RNF41: variants seen among roughly 807,000 people sequenced by gnomAD.
The protein encoded by RNF41 is E3 ubiquitin-protein ligase NRDP1.
RNF41 carries 4 observed loss-of-function variants against 33.0 expected under a neutral mutation model. The ratio of observed to expected loss-of-function variants is 0.12; its 90% CI spans 0.06 to 0.28. The LOEUF (loss-of-function observed/expected upper bound fraction) is 0.28. Among genes scored for constraint, RNF41 ranks in the 10% least tolerant of loss-of-function variants. RNF41 has a pLI of 1.00. For missense variants in RNF41, 228 were observed against 432.6 expected, an observed-to-expected ratio of 0.53 and a Z score of 4.19; for synonymous variants, 164 against 153.2, an observed-to-expected ratio of 1.07 and a Z score of -0.52.
Position 56,206,309 on chromosome 12 carries a change from AG to A in RNF41, c.*137del, listed in dbSNP as rs550132447. On this transcript the variant is annotated 3_prime_UTR_variant, in exon 7 of 7. Transcript: ENST00000345093. The surrounding 1 kb of genome is among the most constrained non-coding windows in gnomAD (Gnocchi z 5.7). ...TGAGCAAACTACCCCAAGGCCCTTC[AG>A]TGCCAGAAGGGCAGGGAGATGTGTG... 2,107 of 772,434 alleles carry A rather than the reference AG, an allele frequency of 2.7e-3. 9 individuals carry two copies. Among genetic ancestry groups the A allele is most frequent in the Non-Finnish European group, 2.9e-3 (1,375 of 471,926 alleles). 47.8% of individuals were successfully genotyped at this position (772,434 alleles called of 1,614,324 possible).
chr12:56,206,427 T>C lies in RNF41; in HGVS notation c.*20A>G, dbSNP rs1868265231. 3.8e-6 allele frequency: 6 copies of C among 1,580,130 alleles called. No homozygotes were observed. The highest frequency in any genetic ancestry group is 5.2e-6 in the Non-Finnish European group (6 of 1,158,592). ...GGATTTTCTGATTTCCATCTCTTCC[T>C]GATAGCCAGTCGAGTTCTCTTATAT... is the stretch of plus-strand genomic sequence containing the variant. On this transcript the variant is annotated 3_prime_UTR_variant, in exon 7 of 7. Transcript: ENST00000345093. The surrounding 1 kb of genome is among the most constrained non-coding windows in gnomAD (Gnocchi z 5.7).
At chr12:56,210,623 C>A (rs1268939993) in intron 3 of RNF41, 55 bp from the exon 4 acceptor site, 25 of 1,457,966 alleles carry the variant, frequency 1.7e-5, no homozygotes, top group Non-Finnish European at 2.2e-5. Flanking sequence ...GACCTAAGAG[C>A]CTGGATATGA....
chr12:56,207,452 C>T (rs888490274), intron 6 of RNF41, 194 bp downstream of exon 6: 15 of 751,550 alleles, frequency 2.0e-5, no homozygotes, highest in East Asian at 1.6e-4. Context: ...TCCACCCAAA[C>T]ACATAAGACA....
intron 2 of RNF41, among the ~76,000 whole-genome samples, chr12:56,215,815 C>G (rs1249569336): frequency 6.6e-6 from 1 of 151,808 alleles, no homozygotes; most frequent in Non-Finnish European, 1.5e-5. Flanking sequence ...AAGGTCAAAC[C>G]CAAAGAAGAG....
intron 3 of RNF41, among the ~76,000 whole-genome samples, chr12:56,213,387 A>G (rs976160522): frequency 1.3e-5 from 2 of 152,096 alleles, no homozygotes; most frequent in East Asian, 3.9e-4. Flanking sequence ...TTTAGTAGAG[A>G]CGGGGTTTCA....
chr12:56,207,890 C>T (rs1868304120), intron 5 of RNF41, 141 bp from the exon 6 acceptor site: 1 of 776,110 alleles, frequency 1.3e-6, no homozygotes, highest in Admixed American at 2.0e-5. Flanking sequence ...ATAAGACTGT[C>T]TCACTCACAG....
At chr12:56,212,355 A>T (rs1868545312) in intron 3 of RNF41, among the ~76,000 whole-genome samples, 1 of 152,154 alleles carries the variant, frequency 6.6e-6, no homozygotes, top group African/African-American at 2.4e-5. Context: ...TGATGTGGGG[A>T]AATCAGCATC....
At chr12:56,212,482 C>T (rs1868553314) in intron 3 of RNF41, among the ~76,000 whole-genome samples, 3 of 152,114 alleles carry the variant, frequency 2.0e-5, no homozygotes, top group South Asian at 2.1e-4. Context: ...TCTGACTAGA[C>T]TGTCACCAAC....
At position 56,206,699 on chromosome 12, in the gene RNF41, C is replaced by T; in HGVS notation, c.702G>A (p.Val234=). 6 of 1,614,128 alleles carry T rather than the reference C, an allele frequency of 3.7e-6. No homozygotes were observed. Among genetic ancestry groups the T allele is most frequent in the Non-Finnish European group, 4.2e-6 (5 of 1,180,012 alleles). The change falls in exon 7 of 7, where the codon GTG becomes GTA. Residue 234 remains valine (V), a synonymous_variant. Transcript: ENST00000345093. This position sits in a 1 kb window ranked among gnomAD's most constrained non-coding sequence, Gnocchi z 5.7. ...VLQAVIKRSL[V]ESGCPASIVN... ...CAATAGAAGCAGGACAGCCACTCTC[C>T]ACCAGGGAGCGCTTGATTACAGCCT...
chr12:56,210,857 A>G (rs995314732), intron 3 of RNF41, among the ~76,000 whole-genome samples: 2 of 152,158 alleles, frequency 1.3e-5, no homozygotes, highest in East Asian at 1.9e-4. Context: ...CCCAGACAAC[A>G]TGACAAAACC....
At chr12:56,211,833 G>A (rs1329651148) in intron 3 of RNF41, among the ~76,000 whole-genome samples, 3 of 151,964 alleles carry the variant, frequency 2.0e-5, no homozygotes, top group Admixed American at 6.6e-5. Flanking sequence ...TTAGCCGGGC[G>A]TGGTGGCGGG....
intron 2 of RNF41, among the ~76,000 whole-genome samples, chr12:56,214,543 C>A (rs566934919): frequency 7.3e-6 from 1 of 136,584 alleles, no homozygotes; most frequent in Non-Finnish European, 1.6e-5. Flanking sequence ...AAAATTAATT[C>A]TAAGGCCTGG....
At chr12:56,218,999 G>A (rs1323383197) in intron 1 of RNF41, among the ~76,000 whole-genome samples, 2 of 150,632 alleles carry the variant, frequency 1.3e-5, no homozygotes, top group Admixed American at 6.6e-5. Context: ...ACCATGCTTG[G>A]CCTATTTTTC....
Position 56,206,515 on chromosome 12 carries a change from T to C in RNF41, c.886A>G (p.Met296Val). 1 of 1,614,232 alleles carries C rather than the reference T, an allele frequency of 6.2e-7. No individual in the cohort carries two copies. Among genetic ancestry groups the C allele is most frequent in the Non-Finnish European group, 8.5e-7 (1 of 1,180,038 alleles). ...GGCTCTTGCACCATGTCATCCCCCA[T>C]GTGCTGGTTCTCACAGGCCATCACG... The part of the protein sequence containing the change: ...VVVMACENQH[M>V]GDDMVQEPGL... Residue 296 changes from methionine to valine, a missense_variant, in exon 7 of 7, where the codon ATG (methionine) becomes GTG (valine). This residue lies in a region of RNF41 where 199 missense variants were observed against 334.6 expected (regional missense o/e 0.59). Coordinates refer to ENST00000345093, the MANE Select transcript of RNF41 (RefSeq NM_005785.4). The surrounding 1 kb of genome is among the most constrained non-coding windows in gnomAD (Gnocchi z 5.7).
In RNF41 at chr12:56,206,252, G is replaced by A. The variant is rs1321895695; in HGVS notation, c.*195C>T. ...AGACATTTTAGGGGAATATGGCAAA[G>A]GGAGGAAATCTGGGTTTCCCACCTG... On this transcript the variant is annotated 3_prime_UTR_variant, in exon 7 of 7. Coordinates refer to ENST00000345093, the MANE Select transcript of RNF41 (RefSeq NM_005785.4). This position sits in a 1 kb window ranked among gnomAD's most constrained non-coding sequence, Gnocchi z 5.7. 1.7e-6 allele frequency: 1 copy of A among 588,542 alleles called. No individual in the cohort carries two copies. Among genetic ancestry groups the A allele is most frequent in the Non-Finnish European group, 3.0e-6 (1 of 333,474 alleles). The allele number at this position is 588,542 out of a possible 1,614,324, so 36.5% of individuals were successfully genotyped here.
chr12:56,209,982 A>G (rs1868366938), intron 4 of RNF41: 1 of 339,266 alleles, frequency 2.9e-6, no homozygotes, highest in African/African-American at 2.0e-5. Flanking sequence ...GAAGGCTGGC[A>G]ATTATAGCAG....
chr12:56,221,734 G>A (rs1362198115), intron 1 of RNF41, 26 bp downstream of exon 1: 1 of 152,386 alleles, frequency 6.6e-6, no homozygotes, highest in Non-Finnish European at 1.5e-5. Context: ...CTTTTAGGTG[G>A]AAGATCGCGC....
At chr12:56,221,439 G>C (rs1226862456) in intron 1 of RNF41, among the ~76,000 whole-genome samples, 1 of 151,960 alleles carries the variant, frequency 6.6e-6, no homozygotes, top group African/African-American at 2.4e-5. Flanking sequence ...CTTCTGGCCC[G>C]TCAATCATTG....
At chr12:56,217,800 G>C (rs1869018874) in intron 1 of RNF41, among the ~76,000 whole-genome samples, 1 of 152,086 alleles carries the variant, frequency 6.6e-6, no homozygotes, top group Non-Finnish European at 1.5e-5. Flanking sequence ...GAGGGATCTA[G>C]GTTGCCCACT....
Sources: allele counts gnomAD v4.1 joint callset (sites outside exome capture counted in the v4.1 genomes callset), GRCh38; gene constraint gnomAD v4.1.1; regional missense constraint gnomAD v4.1.1; non-coding constraint Gnocchi (gnomAD v3.1); transcripts MANE v1.5; gene names NCBI Gene and HGNC (gene_info 2026-07-23, HGNC 2026-07-21).